NR1H3: variants seen among roughly 807,000 people sequenced by gnomAD.
NR1H3 encodes the protein nuclear receptor subfamily 1 group H member 3.
NR1H3 carries 19 observed loss-of-function variants against 48.1 expected under a neutral mutation model. The observed-to-expected ratio is 0.40, with a 90% CI of 0.28 to 0.58. NR1H3 has a LOEUF of 0.58. NR1H3 is among the 20% of genes least tolerant of loss of function. NR1H3 has a pLI of 0.50. For missense variants in NR1H3, 486 were observed against 595.9 expected, an observed-to-expected ratio of 0.82 and a Z score of 1.92; for synonymous variants, 232 against 227.3, an observed-to-expected ratio of 1.02 and a Z score of -0.19.
At chr11:47,249,152 G>A (rs904151529) in intron 1 of NR1H3, among the ~76,000 whole-genome samples, 4 of 152,170 alleles carry the variant, frequency 2.6e-5, no homozygotes, top group African/African-American at 9.7e-5. Context: ...GTCCCCTCCA[G>A]GCTTGACCCC....
Position 47,261,553 on chromosome 11 carries a change from C to G in NR1H3, c.715C>G (p.Pro239Ala), listed in dbSNP as rs1479858740. The G allele has an allele frequency of 1.5e-5, 25 of 1,613,888 alleles. No homozygotes were observed. The highest frequency in any genetic ancestry group is 2.0e-5 in the Non-Finnish European group (24 of 1,179,858). Residue 239 changes from proline (P) to alanine (A), a missense_variant, in exon 6 of 10, where the codon CCC becomes GCC. Pro to Ala is a conservative substitution (Grantham distance 27). Transcript: ENST00000441012. ...FSDRLRVTPWPMAPDPHSREA... is the reference protein window; with the variant it reads ...FSDRLRVTPWAMAPDPHSREA... Reference sequence around the variant, plus strand: ...CCTTTTCCCTCCTGGGTAGCCTTGGCCCATGGCACCAGATCCCCATAGCCG... The same window carrying G: ...CCTTTTCCCTCCTGGGTAGCCTTGGGCCATGGCACCAGATCCCCATAGCCG...
chr11:47,252,423 G>A (rs1954740820), intron 1 of NR1H3, among the ~76,000 whole-genome samples: 1 of 151,856 alleles, frequency 6.6e-6, no homozygotes, highest in Non-Finnish European at 1.5e-5. Context: ...CACCACGCCT[G>A]GCTAATTTTG....
chr11:47,266,729 C>T (rs1956524177), intron 7 of NR1H3, among the ~76,000 whole-genome samples: 1 of 151,566 alleles, frequency 6.6e-6, no homozygotes, highest in Non-Finnish European at 1.5e-5. Context: ...GCAACCTCCG[C>T]CTCCCAGATT....
At position 47,261,370 on chromosome 11, in the gene NR1H3, A is replaced by G; in HGVS notation, c.629A>G (p.Gln210Arg). ...PQILPQLSPE[Q>R]LGMIEKLVAA... Reference sequence around the variant, plus strand: ...ATCCTGCCCCAGCTCAGCCCGGAACAACTGGGCATGATCGAGAAGCTCGTC... The same window carrying G: ...ATCCTGCCCCAGCTCAGCCCGGAACGACTGGGCATGATCGAGAAGCTCGTC... The change falls in exon 5 of 10, where the codon CAA (glutamine) becomes CGA (arginine). Residue 210 changes from glutamine (Q) to arginine (R), a missense_variant. Physicochemically the swap from Gln to Arg is conservative, Grantham distance 43. Coordinates refer to ENST00000441012, the MANE Select transcript of NR1H3 (RefSeq NM_005693.4). 6.2e-7 allele frequency: 1 copy of G among 1,613,968 alleles called. No individual in the cohort carries two copies. Among genetic ancestry groups the G allele is most frequent in the Non-Finnish European group, 8.5e-7 (1 of 1,179,988 alleles).
intron 2 of NR1H3, 133 bp from the exon 3 acceptor site, chr11:47,259,658 G>A: frequency 1.3e-6 from 2 of 1,513,752 alleles, no homozygotes; most frequent in South Asian, 1.3e-5. Flanking sequence ...AGACTCTAGG[G>A]TCCCAAAGCC....
At chr11:47,255,595 T>G (rs6485745), upstream of NR1H3, among the ~76,000 whole-genome samples, 6 of 61,370 alleles carry the variant, frequency 9.8e-5, no homozygotes, top group Non-Finnish European at 1.5e-4. Flanking sequence ...CTTTCTTTCT[T>G]TCTCTCTCTC....
chr11:47,261,254 A>G lies in NR1H3; in HGVS notation c.513A>G (p.Glu171=). The change falls in exon 5 of 10, where the codon GAA becomes GAG. Residue 171 remains glutamate (E), a synonymous_variant. Coordinates refer to ENST00000441012, the MANE Select transcript of NR1H3 (RefSeq NM_005693.4). The part of the protein sequence containing the change: ...AGMREECVLS[E]EQIRLKKLKR... Reference sequence around the variant, plus strand: ...CCCTGTCCTTAGGTGTCCTGTCAGAAGAACAGATCCGCCTGAAGAAACTGA... The same window carrying G: ...CCCTGTCCTTAGGTGTCCTGTCAGAGGAACAGATCCGCCTGAAGAAACTGA... 6.2e-7 allele frequency: 1 copy of G among 1,612,896 alleles called. No individual in the cohort carries two copies. Among genetic ancestry groups the G allele is most frequent in the Non-Finnish European group, 8.5e-7 (1 of 1,179,872 alleles).
chr11:47,259,838 C>G lies in NR1H3; in HGVS notation c.91C>G (p.Gln31Glu). The change falls in exon 3 of 10, where the codon CAG (glutamine) becomes GAG (glutamate). Residue 31 changes from glutamine (Q) to glutamate (E), a missense_variant. Gln to Glu is a conservative substitution (Grantham distance 29). Transcript: ENST00000441012. ...WKPGAQDASS[Q>E]AQGGSSCILR... ...GCCAGGCGCACAGGATGCAAGCAGCCAGGCCCAGGGAGGCAGCAGCTGCAT... is the reference window on the plus strand; with the variant it reads ...GCCAGGCGCACAGGATGCAAGCAGCGAGGCCCAGGGAGGCAGCAGCTGCAT... 1 of 1,612,476 alleles carries G rather than the reference C, an allele frequency of 6.2e-7. No individual in the cohort carries two copies. The highest frequency in any genetic ancestry group is 8.5e-7 in the Non-Finnish European group (1 of 1,179,958).
intron 1 of NR1H3, among the ~76,000 whole-genome samples, chr11:47,252,246 TTTGTTG>T (rs61003245): frequency 2.6e-4 from 40 of 151,566 alleles, no homozygotes; most frequent in African/African-American, 5.6e-4. Context: ...TTTGTTTTGT[TTTGTTG>T]TTGTTGTTGT....
At position 47,260,521 on chromosome 11, in the gene NR1H3, C is replaced by T. The variant is rs374430731; in HGVS notation, c.345C>T (p.Cys115=). Residue 115 remains cysteine, a synonymous_variant, in exon 4 of 10, where the codon TGC becomes TGT. Transcript: ENST00000441012. ...GCTTCCACTACAATGTTCTGAGCTG[C>T]GAGGGCTGCAAGGGATTCTTCCGCC... is the stretch of plus-strand genomic sequence containing the variant. ...ASGFHYNVLS[C]EGCKGFFRRS... The T allele has an allele frequency of 8.9e-5, 144 of 1,614,118 alleles. No individual in the cohort carries two copies. Among genetic ancestry groups the T allele is most frequent in the African/African-American group, 1.3e-4 (10 of 74,932 alleles).
chr11:47,258,955 CA>C (rs1955510994), intron 1 of NR1H3: 9 of 664,950 alleles, frequency 1.4e-5, no homozygotes, highest in East Asian at 3.6e-5. Flanking sequence ...GTGAGAGGAT[CA>C]CTTGAGCCCA....
At chr11:47,251,140 CAG>C (rs1954623061) in intron 1 of NR1H3, among the ~76,000 whole-genome samples, 1 of 151,740 alleles carries the variant, frequency 6.6e-6, no homozygotes, top group South Asian at 2.1e-4. Flanking sequence ...GCCTGGGCGA[CAG>C]AGCAAGACTC....
upstream of NR1H3, among the ~76,000 whole-genome samples, chr11:47,255,557 CTTTCTTTCTTTCTTTCTTTCTT>C (rs1955024512): frequency 2.9e-5 from 2 of 69,324 alleles, no homozygotes; most frequent in Non-Finnish European, 5.2e-5. Context: ...TTCTTTCTTT[CTTTCTTTCTTTCTTTCTTTCTT>C]TCTTTCTTTC....
upstream of NR1H3, chr11:47,248,684 C>G (rs748991387): frequency 6.2e-7 from 1 of 1,611,224 alleles, no homozygotes; most frequent in Non-Finnish European, 8.5e-7. Context: ...ACCAAGGTAA[C>G]GAAGCGCAGA....
At chr11:47,255,512 G>A (rs1299230266), upstream of NR1H3, among the ~76,000 whole-genome samples, 3 of 151,564 alleles carry the variant, frequency 2.0e-5, no homozygotes, top group African/African-American at 4.9e-5. Context: ...TGTGCCACAC[G>A]TTGTGATAGA....
upstream of NR1H3, among the ~76,000 whole-genome samples, chr11:47,256,727 ATTTC>A (rs1955212716): frequency 6.8e-6 from 1 of 146,890 alleles, no homozygotes; most frequent in East Asian, 2.0e-4. Context: ...CGAGAATAAT[ATTTC>A]TTTTTTTTTT....
upstream of NR1H3, among the ~76,000 whole-genome samples, chr11:47,253,613 T>C (rs1351947210): frequency 6.6e-6 from 1 of 152,256 alleles, no homozygotes; most frequent in Admixed American, 6.5e-5. Flanking sequence ...CCTTACCCTG[T>C]GGCCTGCTTC....
intron 2 of NR1H3, 187 bp from the exon 3 acceptor site, chr11:47,259,604 G>T: frequency 6.9e-7 from 1 of 1,453,628 alleles, no homozygotes; most frequent in Non-Finnish European, 9.0e-7. Flanking sequence ...AAGGTCCTGA[G>T]ATGTAAGAAA....
intron 8 of NR1H3, 57 bp downstream of exon 8, chr11:47,268,083 G>A (rs1463070566): frequency 8.0e-6 from 11 of 1,382,988 alleles, no homozygotes; most frequent in Non-Finnish European, 1.1e-5. Context: ...AGGGCTGCAG[G>A]TCCCACAGGA....
Sources: gnomAD v4.1 joint callset for allele counts (sites outside exome capture counted in the v4.1 genomes callset) on GRCh38, gnomAD v4.1.1 for gene constraint, MANE v1.5 for transcripts, NCBI Gene and HGNC (gene_info 2026-07-23, HGNC 2026-07-21) for gene names.